PTPN11: variants seen among roughly 807,000 people sequenced by gnomAD.
PTPN11 encodes the protein tyrosine-protein phosphatase non-receptor type 11.
Under a neutral mutation model 78.8 loss-of-function variants are expected in PTPN11, and 6 were observed. The ratio of observed to expected loss-of-function variants is 0.08; its 90% CI spans 0.04 to 0.15. The LOEUF (loss-of-function observed/expected upper bound fraction) is 0.15, where lower values mean the gene tolerates loss of function less well. Ranked by LOEUF, PTPN11 falls within the 10% of genes least tolerant of loss-of-function variation. The pLI is 1.00. For missense variants in PTPN11, 386 were observed against 744.8 expected (o/e 0.52, Z 5.61); for synonymous variants, 221 against 263.5 (o/e 0.84, Z 1.56).
intron 1 of PTPN11, among the ~76,000 whole-genome samples, chr12:112,427,371 C>G (rs1023499611): frequency 4.0e-5 from 6 of 151,690 alleles, no homozygotes; most frequent in African/African-American, 9.7e-5. Flanking sequence ...ATGGTGAAAC[C>G]CTGTCTCTAC....
chr12:112,496,605 G>A (rs1021315318), intron 13 of PTPN11, among the ~76,000 whole-genome samples: 1 of 152,206 alleles, frequency 6.6e-6, no homozygotes, highest in Non-Finnish European at 1.5e-5. Context: ...ATCCATTGCC[G>A]CAGGGCTCAT....
At chr12:112,422,278 A>G (rs1483478980) in intron 1 of PTPN11, among the ~76,000 whole-genome samples, 3 of 152,208 alleles carry the variant, frequency 2.0e-5, no homozygotes, top group African/African-American at 7.2e-5. Flanking sequence ...AAATGTAAGT[A>G]TATTCAATGT....
intron 13 of PTPN11, among the ~76,000 whole-genome samples, chr12:112,492,701 TAG>T (rs1159118059): frequency 1.3e-5 from 2 of 152,022 alleles, no homozygotes; most frequent in Non-Finnish European, 2.9e-5. Flanking sequence ...GTATTTTTAG[TAG>T]AGACGGGGTC....
At chr12:112,487,435 A>G (rs1275942000) in intron 11 of PTPN11, among the ~76,000 whole-genome samples, 1 of 151,920 alleles carries the variant, frequency 6.6e-6, no homozygotes, top group African/African-American at 2.4e-5. Flanking sequence ...TGCCCGGCCC[A>G]TTCTGTTCTC....
Position 112,476,397 on chromosome 12 carries a change from G to A in PTPN11, c.854-1254G>A, listed in dbSNP as rs184135972. ...AGGTAGAGCACTCAGATTTTTATACGAATAATAGACTTTTGTACAGAATTT... is the reference window on the plus strand; with the variant it reads ...AGGTAGAGCACTCAGATTTTTATACAAATAATAGACTTTTGTACAGAATTT... On this transcript the variant is annotated intron_variant, in intron 7 of 15. Transcript: ENST00000351677. Among the ~76,000 whole-genome samples, 42 of 152,186 alleles carry A rather than the reference G, an allele frequency of 2.8e-4. No homozygotes were observed. The East Asian group carries it at 4.6e-3, about 17-fold the overall frequency.
intron 1 of PTPN11, among the ~76,000 whole-genome samples, chr12:112,423,805 G>A (rs114903501): frequency 0.011 from 1,578 of 143,496 alleles, 24 homozygotes; most frequent in African/African-American, 0.039. Flanking sequence ...AGACTGCAGT[G>A]GCATAATCTT....
intron 6 of PTPN11, among the ~76,000 whole-genome samples, chr12:112,456,458 C>CTTTTTTT (rs11320404): frequency 8.0e-6 from 1 of 124,598 alleles, no homozygotes; most frequent in Non-Finnish European, 1.7e-5. Flanking sequence ...CTTGTGGTGG[C>CTTTTTTT]TTTTTTTTTT....
intron 1 of PTPN11, among the ~76,000 whole-genome samples, chr12:112,431,194 C>T (rs1349915514): frequency 6.6e-6 from 1 of 152,216 alleles, no homozygotes; most frequent in Non-Finnish European, 1.5e-5. Context: ...TCTTCCTTCC[C>T]TCTGGCCACA....
At chr12:112,484,511 G>A (rs537135064) in intron 10 of PTPN11, among the ~76,000 whole-genome samples, 13 of 152,334 alleles carry the variant, frequency 8.5e-5, no homozygotes, top group African/African-American at 3.1e-4. Flanking sequence ...GGAGGAGGCA[G>A]GTGGAAAGTA....
intron 13 of PTPN11, among the ~76,000 whole-genome samples, chr12:112,492,498 G>C (rs1169695690): frequency 6.6e-6 from 1 of 151,310 alleles, no homozygotes; most frequent in African/African-American, 2.4e-5. Flanking sequence ...TGGAGACTGC[G>C]TAAATTACCT....
chr12:112,449,316 T>A (rs1249557094), intron 2 of PTPN11, among the ~76,000 whole-genome samples: 1 of 147,848 alleles, frequency 6.8e-6, no homozygotes, highest in Non-Finnish European at 1.5e-5. Flanking sequence ...CCATCCTGGC[T>A]AACATGGTGA....
At chr12:112,444,499 G>A (rs1395557440) in intron 1 of PTPN11, among the ~76,000 whole-genome samples, 1 of 151,864 alleles carries the variant, frequency 6.6e-6, no homozygotes, top group African/African-American at 2.4e-5. Flanking sequence ...GCGCCACCAC[G>A]CCCAACTAAT....
chr12:112,441,355 A>G (rs899175469), intron 1 of PTPN11, among the ~76,000 whole-genome samples: 11 of 151,704 alleles, frequency 7.3e-5, no homozygotes, highest in African/African-American at 2.7e-4. Context: ...TCTGCCTCCC[A>G]GACTCAAGCA....
chr12:112,431,756 G>T (rs2037716409), intron 1 of PTPN11, among the ~76,000 whole-genome samples: 1 of 152,156 alleles, frequency 6.6e-6, no homozygotes, highest in Admixed American at 6.6e-5. Flanking sequence ...AACTCCAAGG[G>T]CGTTCTGTGC....
intron 13 of PTPN11, among the ~76,000 whole-genome samples, chr12:112,490,642 T>A (rs2038734310): frequency 6.6e-6 from 1 of 152,152 alleles, no homozygotes; most frequent in Admixed American, 6.5e-5. Flanking sequence ...AGACAAGGTC[T>A]CACTGTGTTG....
At chr12:112,462,963 A>G (rs1222125672) in intron 6 of PTPN11, among the ~76,000 whole-genome samples, 3 of 152,186 alleles carry the variant, frequency 2.0e-5, no homozygotes, top group African/African-American at 7.2e-5. Context: ...AATGGTGGTT[A>G]TTATTCATCT....
At chr12:112,462,334 A>G (rs2038260396) in intron 6 of PTPN11, among the ~76,000 whole-genome samples, 2 of 152,118 alleles carry the variant, frequency 1.3e-5, no homozygotes, top group South Asian at 4.1e-4. Flanking sequence ...CTCTAGGGTG[A>G]CAGAGCAGGG....
intron 2 of PTPN11, among the ~76,000 whole-genome samples, chr12:112,447,328 T>C (rs1025990188): frequency 6.6e-6 from 1 of 152,036 alleles, no homozygotes; most frequent in African/African-American, 2.4e-5. Context: ...CACCAAGAGG[T>C]TGGCATATAT....
intron 6 of PTPN11, among the ~76,000 whole-genome samples, chr12:112,472,338 C>A (rs2038431645): frequency 6.6e-6 from 1 of 152,042 alleles, no homozygotes; most frequent in African/African-American, 2.4e-5. Context: ...ACATCATATG[C>A]TATTTTGGAG....
Sources: gnomAD v4.1 joint callset for allele counts (sites outside exome capture counted in the v4.1 genomes callset) on GRCh38, gnomAD v4.1.1 for gene constraint, MANE v1.5 for transcripts, NCBI Gene and HGNC (gene_info 2026-07-23, HGNC 2026-07-21) for gene names.